WWOX: variants seen among roughly 807,000 people sequenced by gnomAD.
WWOX encodes WW domain containing oxidoreductase.
In WWOX, 69 loss-of-function variants were observed where a neutral mutation model predicts 46.2. That is an observed-to-expected ratio of 1.49 (90% confidence interval 1.23 to 1.82). The LOEUF is 1.82. Ranked by LOEUF, WWOX falls within the 40% of genes most tolerant of loss-of-function variation. The pLI, the probability that WWOX is intolerant of heterozygous loss-of-function variation, is 0.00. For synonymous variants in WWOX, 359 were observed against 202.6 expected, an observed-to-expected ratio of 1.77 and a Z score of -6.56; for missense variants, 919 against 542.6, an observed-to-expected ratio of 1.69 and a Z score of -6.89.
intron 5 of WWOX, among the ~76,000 whole-genome samples, chr16:78,172,322 G>GT (rs1375540030): frequency 7.9e-5 from 12 of 152,292 alleles, no homozygotes; most frequent in Admixed American, 7.2e-4. Context: ...AGTATATCGT[G>GT]TATTTACTGT....
chr16:79,156,383 A>G (rs1219413317), intron 8 of WWOX, among the ~76,000 whole-genome samples: 1 of 151,902 alleles, frequency 6.6e-6, no homozygotes, highest in East Asian at 1.9e-4. Flanking sequence ...CTATTCTCGA[A>G]CTCCTGACCT....
intron 7 of WWOX, among the ~76,000 whole-genome samples, chr16:78,427,905 T>G (rs1376011288): frequency 6.6e-6 from 1 of 152,156 alleles, no homozygotes; most frequent in Non-Finnish European, 1.5e-5. Context: ...CCATCTCTAC[T>G]AAAAATACAA....
intron 8 of WWOX, among the ~76,000 whole-genome samples, chr16:78,845,009 T>C (rs1400543861): frequency 6.6e-6 from 1 of 152,148 alleles, no homozygotes; most frequent in East Asian, 1.9e-4. Flanking sequence ...TCTCCAACCA[T>C]GCGGACACAG....
chr16:78,139,626 T>C (rs1288672069), intron 4 of WWOX, among the ~76,000 whole-genome samples: 1 of 152,190 alleles, frequency 6.6e-6, no homozygotes, highest in African/African-American at 2.4e-5. Context: ...GCCCAGGCGA[T>C]AGAGTGAGAC....
At chr16:78,104,655 AC>A (rs1423780888) in intron 1 of WWOX, among the ~76,000 whole-genome samples, 2 of 152,160 alleles carry the variant, frequency 1.3e-5, no homozygotes, top group Non-Finnish European at 2.9e-5. Context: ...AAAATCAAAG[AC>A]GGCTTCTATT....
chr16:79,039,538 C>T (rs2047931994), intron 8 of WWOX, among the ~76,000 whole-genome samples: 1 of 152,142 alleles, frequency 6.6e-6, no homozygotes, highest in East Asian at 1.9e-4. Flanking sequence ...ATCCTTTTGC[C>T]CATGACTGTG....
chr16:78,408,349 C>T (rs535440252), intron 6 of WWOX, among the ~76,000 whole-genome samples: 1 of 152,164 alleles, frequency 6.6e-6, no homozygotes, highest in African/African-American at 2.4e-5. Context: ...ACCCTCCATT[C>T]TGAGTTAATA....
intron 8 of WWOX, among the ~76,000 whole-genome samples, chr16:78,664,214 C>G (rs1053299031): frequency 1.3e-5 from 2 of 152,116 alleles, no homozygotes; most frequent in Non-Finnish European, 2.9e-5. Flanking sequence ...GAAACATGAC[C>G]ACACTGAGCA....
intron 8 of WWOX, among the ~76,000 whole-genome samples, chr16:78,690,492 C>T (rs1236767134): frequency 6.6e-6 from 1 of 152,122 alleles, no homozygotes; most frequent in Non-Finnish European, 1.5e-5. Context: ...GTCAAGGCTG[C>T]AGTGGGCCAT....
At chr16:78,241,979 A>G (rs1221796511) in intron 5 of WWOX, among the ~76,000 whole-genome samples, 3 of 152,220 alleles carry the variant, frequency 2.0e-5, no homozygotes, top group East Asian at 3.9e-4. Flanking sequence ...TGAATTCCCC[A>G]TAGCTACACT....
At chr16:78,862,432 T>C (rs1460514205) in intron 8 of WWOX, among the ~76,000 whole-genome samples, 1 of 151,810 alleles carries the variant, frequency 6.6e-6, no homozygotes, top group Non-Finnish European at 1.5e-5. Flanking sequence ...TAATACAGTG[T>C]ATAATGTATA....
chr16:78,501,063 T>C (rs2085052071), intron 8 of WWOX, among the ~76,000 whole-genome samples: 1 of 152,164 alleles, frequency 6.6e-6, no homozygotes, highest in Non-Finnish European at 1.5e-5. Flanking sequence ...CAGTGAAGAA[T>C]GTTGGGCAGG....
intron 6 of WWOX, among the ~76,000 whole-genome samples, chr16:78,399,390 G>A (rs935811344): frequency 5.3e-5 from 8 of 152,164 alleles, no homozygotes; most frequent in African/African-American, 1.9e-4. Flanking sequence ...GTTATTTTAG[G>A]CACATAACCC....
intron 8 of WWOX, among the ~76,000 whole-genome samples, chr16:78,919,433 T>C (rs1026707614): frequency 5.3e-5 from 8 of 152,058 alleles, no homozygotes; most frequent in Non-Finnish European, 1.2e-4. Context: ...CATTGGTAGA[T>C]CATCACTTAG....
intron 5 of WWOX, among the ~76,000 whole-genome samples, chr16:78,226,364 A>G (rs1470797969): frequency 3.3e-5 from 5 of 152,078 alleles, no homozygotes; most frequent in African/African-American, 7.2e-5. Context: ...TCAGGGATGT[A>G]TACTCTGGCA....
chr16:78,899,558 T>G (rs960121569), intron 8 of WWOX: 2 of 152,192 alleles, frequency 1.3e-5, no homozygotes, highest in Admixed American at 6.5e-5. Flanking sequence ...GGTTTATATT[T>G]CAGCGTCCTG....
intron 8 of WWOX, among the ~76,000 whole-genome samples, chr16:79,079,111 C>T (rs995755847): frequency 2.0e-4 from 31 of 152,176 alleles, no homozygotes; most frequent in Admixed American, 9.2e-4. Context: ...ATGTAACATC[C>T]AAGGTAGCTG....
intron 8 of WWOX, among the ~76,000 whole-genome samples, chr16:78,626,643 C>T (rs977413238): frequency 6.6e-6 from 1 of 152,160 alleles, no homozygotes; most frequent in African/African-American, 2.4e-5. Context: ...TTTCCCTCTA[C>T]TTTCCACACT....
intron 6 of WWOX, among the ~76,000 whole-genome samples, chr16:78,420,518 A>G (rs2082899872): frequency 6.6e-6 from 1 of 152,186 alleles, no homozygotes; most frequent in Non-Finnish European, 1.5e-5. Flanking sequence ...GCCAGTCACA[A>G]AAGACTACGT....
Sources: gnomAD v4.1 joint callset for allele counts (sites outside exome capture counted in the v4.1 genomes callset) on GRCh38, gnomAD v4.1.1 for gene constraint, MANE v1.5 for transcripts, NCBI Gene and HGNC (gene_info 2026-07-23, HGNC 2026-07-21) for gene names.